TRAM2: variants seen among roughly 807,000 people sequenced by gnomAD.
The protein encoded by TRAM2 is translocation associated membrane protein 2, also known as translocating chain-associated membrane protein 2.
TRAM2 carries 12 observed loss-of-function variants against 51.0 expected under a neutral mutation model. That is an observed-to-expected ratio of 0.24 (90% confidence interval 0.15 to 0.38). The LOEUF is 0.38. TRAM2 is among the 10% of genes least tolerant of loss of function. The pLI, the probability that TRAM2 is intolerant of heterozygous loss-of-function variation, is 1.00. For missense variants in TRAM2, 361 were observed against 462.0 expected, an observed-to-expected ratio of 0.78 and a Z score of 2.00; for synonymous variants, 175 against 179.4, an observed-to-expected ratio of 0.98 and a Z score of 0.20.
At chr6:52,545,312 G>T (rs9349631) in intron 1 of TRAM2, among the ~76,000 whole-genome samples, 1 of 152,020 alleles carries the variant, frequency 6.6e-6, no homozygotes, top group African/African-American at 2.4e-5. Flanking sequence ...AGGCCTTGGA[G>T]CAAGGTCCAG....
chr6:52,516,239 G>T, intron 3 of TRAM2, 117 bp from the exon 4 acceptor site: 1 of 956,194 alleles, frequency 1.0e-6, no homozygotes, highest in Non-Finnish European at 1.6e-6. Flanking sequence ...TTTGCAGCTG[G>T]CCATAATCCA....
At chr6:52,537,481 CCA>C (rs367660865) in intron 1 of TRAM2, among the ~76,000 whole-genome samples, 2 of 151,944 alleles carry the variant, frequency 1.3e-5, no homozygotes, top group Non-Finnish European at 2.9e-5. Context: ...ATACCCACCA[CCA>C]CACACACACA....
At chr6:52,572,869 C>G (rs62405882) in intron 1 of TRAM2, among the ~76,000 whole-genome samples, 7,792 of 152,228 alleles carry the variant, frequency 0.051, 301 homozygotes, top group South Asian at 0.11. Context: ...GTGTCAGGAG[C>G]AGGGAAGAAG....
intron 1 of TRAM2, among the ~76,000 whole-genome samples, chr6:52,552,239 A>G (rs1767322729): frequency 1.3e-5 from 2 of 152,188 alleles, no homozygotes. Flanking sequence ...CCCAGGGGGC[A>G]CGGATGCAGA....
intron 1 of TRAM2, among the ~76,000 whole-genome samples, chr6:52,562,081 C>CAA (rs112727282): frequency 1.4e-3 from 197 of 144,550 alleles, no homozygotes; most frequent in African/African-American, 4.3e-3. Context: ...TTTAAAAATG[C>CAA]AAAAAAAAAA....
intron 7 of TRAM2, 59 bp downstream of exon 7, chr6:52,507,494 G>A: frequency 1.3e-6 from 2 of 1,545,976 alleles, no homozygotes; most frequent in Admixed American, 1.7e-5. Context: ...TGAGTGTGTG[G>A]ACAGATGCAT....
intron 1 of TRAM2, among the ~76,000 whole-genome samples, chr6:52,563,510 G>C (rs1174376740): frequency 6.6e-6 from 1 of 151,820 alleles, no homozygotes; most frequent in African/African-American, 2.4e-5. Flanking sequence ...ACGAGGTCAG[G>C]AGATCGAGAC....
chr6:52,514,660 T>C (rs1766510970), intron 4 of TRAM2, among the ~76,000 whole-genome samples: 1 of 152,190 alleles, frequency 6.6e-6, no homozygotes, highest in African/African-American at 2.4e-5. Flanking sequence ...GTGTCACAGC[T>C]GGGGTGGAAT....
chr6:52,524,047 TAA>T lies in TRAM2; in HGVS notation c.185-7312_185-7311del, dbSNP rs1266476292. ...TATTTATGTAAGCAATAGAGCGATT[TAA>T]AAACATCAGAGAGAAATGAAATCAA... On this transcript the variant is annotated intron_variant, in intron 2 of 10. Transcript: ENST00000182527. 3.9e-5 allele frequency: 6 copies of T among 152,348 alleles called. No individual in the cohort carries two copies. In the East Asian group the frequency reaches 1.2e-3, roughly 29 times the overall value. The allele number at this position is 152,348 out of a possible 1,614,324, so 9.4% of individuals were successfully genotyped here.
chr6:52,544,375 T>G (rs538707420), intron 1 of TRAM2, among the ~76,000 whole-genome samples: 3 of 152,100 alleles, frequency 2.0e-5, no homozygotes, highest in Admixed American at 1.3e-4. Flanking sequence ...CATGGAGGAG[T>G]GTGTCAGTAA....
At chr6:52,535,019 T>C (rs1304759702) in intron 2 of TRAM2, among the ~76,000 whole-genome samples, 4 of 152,158 alleles carry the variant, frequency 2.6e-5, no homozygotes, top group Middle Eastern at 3.2e-3. Context: ...GTGACAAGAC[T>C]TGTGGCTGGG....
chr6:52,525,713 C>G (rs1025943406), intron 2 of TRAM2, among the ~76,000 whole-genome samples: 2 of 152,172 alleles, frequency 1.3e-5, no homozygotes, highest in African/African-American at 4.8e-5. Flanking sequence ...GAGGCTGAAG[C>G]AGGAGAATAA....
chr6:52,519,201 C>T (rs1355537794), intron 2 of TRAM2, among the ~76,000 whole-genome samples: 3 of 152,240 alleles, frequency 2.0e-5, no homozygotes, highest in Non-Finnish European at 4.4e-5. Context: ...ACAGCCCCTG[C>T]CCTCTTGGAG....
At chr6:52,561,957 C>T (rs1011723399) in intron 1 of TRAM2, among the ~76,000 whole-genome samples, 7 of 151,668 alleles carry the variant, frequency 4.6e-5, no homozygotes, top group Admixed American at 1.3e-4. Context: ...TAGATAATGG[C>T]GATGTTGTAA....
chr6:52,532,021 C>G (rs1288215851), intron 2 of TRAM2, among the ~76,000 whole-genome samples: 3 of 152,170 alleles, frequency 2.0e-5, no homozygotes, highest in African/African-American at 7.2e-5. Flanking sequence ...CCACTACCCC[C>G]ACTCCGCCTT....
chr6:52,504,814 T>C, intron 9 of TRAM2, 60 bp from the exon 10 acceptor site: 3 of 1,516,470 alleles, frequency 2.0e-6, no homozygotes, highest in Middle Eastern at 2.3e-4. Context: ...TTGGGCTGGG[T>C]TGTGCAGGGG....
At chr6:52,536,654 A>T (rs545131467) in intron 1 of TRAM2, among the ~76,000 whole-genome samples, 1 of 152,228 alleles carries the variant, frequency 6.6e-6, no homozygotes, top group South Asian at 2.1e-4. Context: ...CTTGTCCATA[A>T]AATCAGGGGT....
chr6:52,511,073 CAGAT>C (rs112653433), intron 4 of TRAM2, among the ~76,000 whole-genome samples: 64 of 152,294 alleles, frequency 4.2e-4, no homozygotes, highest in African/African-American at 1.4e-3. Flanking sequence ...AATGAAAAAA[CAGAT>C]AGGAAGGATC....
At chr6:52,568,114 G>A (rs1030104313) in intron 1 of TRAM2, among the ~76,000 whole-genome samples, 1 of 152,202 alleles carries the variant, frequency 6.6e-6, no homozygotes, top group African/African-American at 2.4e-5. Flanking sequence ...TGGGCCACAA[G>A]GCTATTTAAT....
Sources: gnomAD v4.1 joint callset for allele counts (sites outside exome capture counted in the v4.1 genomes callset) on GRCh38, gnomAD v4.1.1 for gene constraint, MANE v1.5 for transcripts, NCBI Gene and HGNC (gene_info 2026-07-23, HGNC 2026-07-21) for gene names.